The following KCNMA1 variants were observed in gnomAD, a reference collection of about 807,000 sequenced individuals.
KCNMA1 encodes the protein potassium calcium-activated channel subfamily M alpha 1, also known as Calcium-activated potassium channel subunit alpha-1.
In KCNMA1, 29 loss-of-function variants were observed where a neutral mutation model predicts 140.0. That is an observed-to-expected ratio of 0.21 (90% CI 0.15 to 0.28). The LOEUF (loss-of-function observed/expected upper bound fraction) is 0.28. Ranked by LOEUF, KCNMA1 falls within the 10% of genes least tolerant of loss-of-function variation. The pLI, the probability that KCNMA1 is intolerant of heterozygous loss-of-function variation, is 1.00. For synonymous variants in KCNMA1, 612 were observed against 611.9 expected, an observed-to-expected ratio of 1.00 and a Z score of 0.00; for missense variants, 880 against 1,602.2, an observed-to-expected ratio of 0.55 and a Z score of 7.70.
chr10:77,328,864 G>A (rs2085220131), intron 2 of KCNMA1, among the ~76,000 whole-genome samples: 1 of 151,876 alleles, frequency 6.6e-6, no homozygotes, highest in East Asian at 1.9e-4. Context: ...TTTTTAAGAT[G>A]GAGTCTTGCA....
intron 2 of KCNMA1, among the ~76,000 whole-genome samples, chr10:77,269,070 T>C (rs1257406054): frequency 6.6e-6 from 1 of 152,168 alleles, no homozygotes; most frequent in Non-Finnish European, 1.5e-5. Context: ...ACTGCCCCAG[T>C]TCTGGCTCAA....
At chr10:77,378,076 C>T (rs2154425074) in intron 2 of KCNMA1, among the ~76,000 whole-genome samples, 1 of 152,330 alleles carries the variant, frequency 6.6e-6, no homozygotes, top group African/African-American at 2.4e-5. Flanking sequence ...AGCACTTAAA[C>T]TGCTATACAC....
At chr10:77,602,900 C>T (rs1040454561) in intron 1 of KCNMA1, among the ~76,000 whole-genome samples, 5 of 152,164 alleles carry the variant, frequency 3.3e-5, no homozygotes, top group African/African-American at 9.7e-5. Context: ...GAGCTGAGTG[C>T]TTATTTGACA....
chr10:77,564,453 C>T (rs1022781396), intron 1 of KCNMA1, among the ~76,000 whole-genome samples: 1 of 152,094 alleles, frequency 6.6e-6, no homozygotes, highest in Non-Finnish European at 1.5e-5. Context: ...ACAGGTGGCA[C>T]ATGCCTGTAA....
At chr10:77,529,671 G>A (rs1033978103) in intron 1 of KCNMA1, among the ~76,000 whole-genome samples, 5 of 152,018 alleles carry the variant, frequency 3.3e-5, no homozygotes, top group African/African-American at 1.2e-4. Flanking sequence ...ATGAAGAAGG[G>A]ACTCTCAATT....
At chr10:77,539,948 G>A (rs563915278) in intron 1 of KCNMA1, among the ~76,000 whole-genome samples, 3 of 152,292 alleles carry the variant, frequency 2.0e-5, no homozygotes, top group African/African-American at 4.8e-5. Flanking sequence ...GGAGAGCAGC[G>A]AAGAGCTGCT....
intron 1 of KCNMA1, among the ~76,000 whole-genome samples, chr10:77,471,565 C>T (rs545668092): frequency 2.0e-4 from 30 of 150,762 alleles, no homozygotes; most frequent in African/African-American, 6.6e-4. Context: ...ACACTGCACA[C>T]ACTCCATACC....
chr10:76,898,563 A>G (rs1336179189), intron 25 of KCNMA1, among the ~76,000 whole-genome samples: 1 of 151,926 alleles, frequency 6.6e-6, no homozygotes, highest in African/African-American at 2.4e-5. Flanking sequence ...ACATATAACA[A>G]AGTATAAGCT....
At chr10:77,631,541 G>A (rs1384795948) in intron 1 of KCNMA1, among the ~76,000 whole-genome samples, 1 of 152,254 alleles carries the variant, frequency 6.6e-6, no homozygotes, top group South Asian at 2.1e-4. Flanking sequence ...GTCACTGCCA[G>A]TGTGAGCCGG....
In KCNMA1 at chr10:77,379,102, G is replaced by GT. The variant is rs2095291086; in HGVS notation, c.540+24759dup. On this transcript the variant is annotated intron_variant, in intron 2 of 27. Coordinates refer to ENST00000286628, the MANE Select transcript of KCNMA1 (RefSeq NM_001161352.2). ...GATGTTTGGCACCATAGAAAACAGT[G>GT]TATGTTTAATGATTTCTGTGTTAAA... 2.0e-5 allele frequency among the ~76,000 whole-genome samples: 3 copies of GT among 152,186 alleles called. No homozygotes were observed. The South Asian group carries it at 6.2e-4, about 31-fold the overall frequency.
At chr10:77,034,491 C>G (rs1465211846) in intron 15 of KCNMA1, among the ~76,000 whole-genome samples, 1 of 152,172 alleles carries the variant, frequency 6.6e-6, no homozygotes, top group African/African-American at 2.4e-5. Flanking sequence ...TTTTAAATTT[C>G]CCCAAGCGGC....
At chr10:77,408,963 C>T (rs901207653) in intron 1 of KCNMA1, among the ~76,000 whole-genome samples, 3 of 152,152 alleles carry the variant, frequency 2.0e-5, no homozygotes, top group Non-Finnish European at 4.4e-5. Context: ...GGCAAGGGTG[C>T]AGGCACAGGA....
chr10:76,914,666 C>T (rs373699005), intron 24 of KCNMA1: 3 of 400,060 alleles, frequency 7.5e-6, no homozygotes, highest in African/African-American at 4.1e-5. Flanking sequence ...CAATTGAATG[C>T]CCCAATCGCA....
At chr10:77,576,713 A>T (rs1603637386) in intron 1 of KCNMA1, among the ~76,000 whole-genome samples, 1 of 152,302 alleles carries the variant, frequency 6.6e-6, no homozygotes, top group Non-Finnish European at 1.5e-5. Flanking sequence ...CAAAGGAAGA[A>T]GATCCAGTTC....
chr10:76,918,056 C>A (rs2053703372), intron 23 of KCNMA1, among the ~76,000 whole-genome samples: 1 of 152,224 alleles, frequency 6.6e-6, no homozygotes, highest in Non-Finnish European at 1.5e-5. Flanking sequence ...CTCTGACCAT[C>A]TTGCTCTCCT....
chr10:77,045,178 T>G (rs985828961), intron 14 of KCNMA1, among the ~76,000 whole-genome samples: 6 of 152,238 alleles, frequency 3.9e-5, no homozygotes, highest in African/African-American at 1.4e-4. Context: ...GTTGTCAATG[T>G]ATTTTTAACT....
At chr10:77,300,099 T>C (rs1309137937) in intron 2 of KCNMA1, among the ~76,000 whole-genome samples, 2 of 152,186 alleles carry the variant, frequency 1.3e-5, no homozygotes, top group Non-Finnish European at 2.9e-5. Context: ...AAGCCAGATT[T>C]CATTCCCATT....
At chr10:77,576,700 C>T (rs2074249138) in intron 1 of KCNMA1, among the ~76,000 whole-genome samples, 1 of 152,172 alleles carries the variant, frequency 6.6e-6, no homozygotes, top group Non-Finnish European at 1.5e-5. Flanking sequence ...AACAAGAAGA[C>T]TGCAAAGGAA....
intron 1 of KCNMA1, among the ~76,000 whole-genome samples, chr10:77,583,330 G>T (rs2076374013): frequency 6.6e-6 from 1 of 152,198 alleles, no homozygotes; most frequent in Non-Finnish European, 1.5e-5. Context: ...AAGATGGACG[G>T]GGGCACAAAT....
Sources: allele counts gnomAD v4.1 joint callset (sites outside exome capture counted in the v4.1 genomes callset), GRCh38; gene constraint gnomAD v4.1.1; transcripts MANE v1.5; gene names NCBI Gene and HGNC (gene_info 2026-07-23, HGNC 2026-07-21).